The following SPATA9 variants were observed in gnomAD, a reference collection of about 807,000 sequenced individuals.
The protein encoded by SPATA9 is spermatogenesis-associated protein 9.
SPATA9 carries 27 observed loss-of-function variants against 25.5 expected under a neutral mutation model. The observed-to-expected ratio is 1.06, with a 90% CI of 0.78 to 1.46. The LOEUF (loss-of-function observed/expected upper bound fraction) is 1.46. SPATA9 is among the 40% of genes most tolerant of loss of function. The pLI, the probability that SPATA9 is intolerant of heterozygous loss-of-function variation, is 0.00. For missense variants in SPATA9, 282 were observed against 297.5 expected (o/e 0.95, Z 0.38); for synonymous variants, 102 against 105.7 (o/e 0.97, Z 0.21).
chr5:95,720,715 T>C, the SPATA9 span, among the ~76,000 whole-genome samples: 6 of 152,186 alleles, frequency 3.9e-5, no homozygotes, highest in East Asian at 1.2e-3. Flanking sequence ...TCTGAGTGTC[T>C]CATTCTTTTT....
At chr5:95,678,970 C>T (rs1753185499) in intron 2 of SPATA9, among the ~76,000 whole-genome samples, 1 of 152,096 alleles carries the variant, frequency 6.6e-6, no homozygotes, top group Non-Finnish European at 1.5e-5. Context: ...AATTATGTTC[C>T]TATTTGAGTT....
At chr5:95,707,091 C>G in the SPATA9 span, among the ~76,000 whole-genome samples, 9 of 152,050 alleles carry the variant, frequency 5.9e-5, no homozygotes, top group Non-Finnish European at 7.4e-5. Context: ...ATTAGTGAAT[C>G]TTAGAATTCT....
At chr5:95,678,664 A>G (rs1241129972) in intron 2 of SPATA9, among the ~76,000 whole-genome samples, 1 of 152,214 alleles carries the variant, frequency 6.6e-6, no homozygotes, top group African/African-American at 2.4e-5. Flanking sequence ...CAATTAATAA[A>G]GCCCTCTAAG....
Position 95,658,737 on chromosome 5 carries a change from C to T in SPATA9, c.651G>A (p.Pro217=), listed in dbSNP as rs779907736. The T allele has an allele frequency of 1.8e-5, 29 of 1,613,624 alleles. No individual in the cohort carries two copies. Among genetic ancestry groups the T allele is most frequent in the Admixed American group, 1.2e-4 (7 of 59,962 alleles). The change falls in exon 5 of 5, where the codon CCG becomes CCA. Residue 217 remains proline (P), a synonymous_variant. Coordinates refer to ENST00000274432, the MANE Select transcript of SPATA9 (RefSeq NM_031952.4). ...EIKAKPYRSL[P]EKPDISDYPK... Reference sequence around the variant, plus strand: ...GGTAATCTGAAATGTCTGGCTTCTCCGGCAATGACCTATAAGGTTTTGCTT... The same window carrying T: ...GGTAATCTGAAATGTCTGGCTTCTCTGGCAATGACCTATAAGGTTTTGCTT...
chr5:95,730,923 A>AG, the SPATA9 span: 404 of 458,744 alleles, frequency 8.8e-4, 3 homozygotes, highest in African/African-American at 7.5e-3. Flanking sequence ...CAAGGCCAAG[A>AG]GGGGGGGAAA....
intron 1 of SPATA9, among the ~76,000 whole-genome samples, chr5:95,698,053 A>G (rs1265210064): frequency 6.6e-6 from 1 of 152,200 alleles, no homozygotes; most frequent in African/African-American, 2.4e-5. Flanking sequence ...CCTGGGGTCA[A>G]TATTTAACAT....
the SPATA9 span, among the ~76,000 whole-genome samples, chr5:95,725,473 G>A: frequency 6.6e-6 from 1 of 152,252 alleles, no homozygotes; most frequent in Non-Finnish European, 1.5e-5. Context: ...GAAGAGGGGC[G>A]TCATGTGTGC....
chr5:95,697,113 C>A (rs73149677), intron 1 of SPATA9, among the ~76,000 whole-genome samples: 2,422 of 152,278 alleles, frequency 0.016, 63 homozygotes, highest in African/African-American at 0.056. Flanking sequence ...CTCACAGTTT[C>A]TTTGGGTAAG....
the SPATA9 span, among the ~76,000 whole-genome samples, chr5:95,727,342 A>G: frequency 6.6e-6 from 1 of 152,300 alleles, no homozygotes; most frequent in East Asian, 1.9e-4. Context: ...TGCCCTCACC[A>G]ATGCTTACTT....
chr5:95,682,761 C>T (rs1753574969), intron 1 of SPATA9, 33 bp downstream of exon 1: 1 of 1,534,930 alleles, frequency 6.5e-7, no homozygotes, highest in Non-Finnish European at 8.8e-7. Flanking sequence ...TGTTCCCACA[C>T]CCATACGCCC....
chr5:95,698,603 C>T (rs1305980982), exon 1 of SPATA9: 1 of 152,192 alleles, frequency 6.6e-6, no homozygotes, highest in African/African-American at 2.4e-5. Flanking sequence ...CTCCTTCCCT[C>T]TTGCAGCTTT....
chr5:95,708,884 T>C, the SPATA9 span: 7 of 446,090 alleles, frequency 1.6e-5, no homozygotes, highest in African/African-American at 2.0e-5. Context: ...ACGGAGGACA[T>C]AATAGGTGAA....
At chr5:95,709,797 G>T in the SPATA9 span, among the ~76,000 whole-genome samples, 2 of 152,176 alleles carry the variant, frequency 1.3e-5, no homozygotes, top group African/African-American at 4.8e-5. Flanking sequence ...CTTCTGGCAA[G>T]TTTTTTCGGA....
At chr5:95,721,316 AG>A in the SPATA9 span, among the ~76,000 whole-genome samples, 1 of 152,214 alleles carries the variant, frequency 6.6e-6, no homozygotes, top group Non-Finnish European at 1.5e-5. Flanking sequence ...TCACTGAGAA[AG>A]GTCTAAGTGT....
intron 4 of SPATA9, among the ~76,000 whole-genome samples, chr5:95,660,369 A>G (rs1308225831): frequency 2.0e-5 from 3 of 152,174 alleles, no homozygotes; most frequent in Admixed American, 1.3e-4. Flanking sequence ...AGATTTTAAC[A>G]TAAGAATTTG....
chr5:95,680,359 CT>C (rs1406276126), intron 2 of SPATA9, among the ~76,000 whole-genome samples: 2 of 152,166 alleles, frequency 1.3e-5, no homozygotes, highest in Admixed American at 6.5e-5. Flanking sequence ...AGTAAATTTT[CT>C]GGGTAACTAA....
At chr5:95,713,013 C>T in the SPATA9 span, among the ~76,000 whole-genome samples, 1 of 152,108 alleles carries the variant, frequency 6.6e-6, no homozygotes, top group Non-Finnish European at 1.5e-5. Context: ...ATATATTCTC[C>T]TATTAAGTTT....
chr5:95,679,910 T>G (rs943708999), intron 2 of SPATA9, among the ~76,000 whole-genome samples: 1 of 152,254 alleles, frequency 6.6e-6, no homozygotes, highest in African/African-American at 2.4e-5. Context: ...GTTTGTTTGT[T>G]TTTTTGAGAC....
intron 1 of SPATA9, among the ~76,000 whole-genome samples, chr5:95,697,335 C>A (rs1754048795): frequency 6.6e-6 from 1 of 152,164 alleles, no homozygotes; most frequent in African/African-American, 2.4e-5. Flanking sequence ...ACCATGTGGC[C>A]TCTCCATAGA....
Sources: allele counts gnomAD v4.1 joint callset (sites outside exome capture counted in the v4.1 genomes callset), GRCh38; gene constraint gnomAD v4.1.1; transcripts MANE v1.5; gene names NCBI Gene and HGNC (gene_info 2026-07-23, HGNC 2026-07-21).